JARID2: variants seen among roughly 807,000 people sequenced by gnomAD.
JARID2 encodes the protein protein Jumonji.
JARID2 carries 21 observed loss-of-function variants against 125.6 expected under a neutral mutation model. The ratio of observed to expected loss-of-function variants is 0.17; its 90% CI spans 0.12 to 0.24. JARID2 has a LOEUF of 0.24. Ranked by LOEUF, JARID2 falls within the 10% of genes least tolerant of loss-of-function variation. JARID2 has a pLI of 1.00. For synonymous variants in JARID2, 736 were observed against 661.6 expected (o/e 1.11, Z -1.73); for missense variants, 1,303 against 1,639.6 (o/e 0.79, Z 3.55).
At chr6:15,460,259 T>C (rs1356225191) in intron 4 of JARID2, among the ~76,000 whole-genome samples, 1 of 152,190 alleles carries the variant, frequency 6.6e-6, no homozygotes, top group Non-Finnish European at 1.5e-5. Context: ...TCAGATGTTA[T>C]TAATAAGACT....
intron 1 of JARID2, among the ~76,000 whole-genome samples, chr6:15,295,694 C>T (rs911873282): frequency 2.0e-5 from 3 of 152,024 alleles, no homozygotes; most frequent in Non-Finnish European, 4.4e-5. Context: ...GACGGAGTCT[C>T]GCTCTGTCAC....
intron 2 of JARID2, among the ~76,000 whole-genome samples, chr6:15,390,605 G>T (rs113107614): frequency 2.0e-5 from 3 of 152,180 alleles, no homozygotes; most frequent in African/African-American, 4.8e-5. Context: ...GTCCTTTTGT[G>T]GGGGTAGGCA....
At chr6:15,437,934 G>A (rs1767281114) in intron 3 of JARID2, among the ~76,000 whole-genome samples, 1 of 152,158 alleles carries the variant, frequency 6.6e-6, no homozygotes, top group Non-Finnish European at 1.5e-5. Context: ...TTTTTGGAAA[G>A]GTAAGTGGGC....
In JARID2 at chr6:15,495,134, T is replaced by C. The variant is rs1035566140; in HGVS notation, c.907-998T>C. 3.9e-5 allele frequency among the ~76,000 whole-genome samples: 6 copies of C among 152,326 alleles called. No individual in the cohort carries two copies. In the Middle Eastern group the frequency reaches 0.014, roughly 345 times the overall value. On this transcript the variant is annotated intron_variant, in intron 6 of 17. Coordinates refer to ENST00000341776, the MANE Select transcript of JARID2 (RefSeq NM_004973.4). ...ATTGTGACGCAGAGAAGACATCTTC[T>C]CGAAACCAGCATGTCTGGCAGCAGC...
intron 1 of JARID2, among the ~76,000 whole-genome samples, chr6:15,358,956 T>C (rs1168395918): frequency 1.3e-5 from 2 of 152,214 alleles, no homozygotes; most frequent in African/African-American, 4.8e-5. Context: ...GAGGAAGTCA[T>C]TAAGTGGTTT....
chr6:15,246,330 G>C lies in JARID2; in HGVS notation c.-210G>C. 3.6e-6 allele frequency: 2 copies of C among 552,566 alleles called. No individual in the cohort carries two copies. The highest frequency in any genetic ancestry group is 4.8e-5 in the South Asian group (2 of 41,942). The allele number at this position is 552,566 out of a possible 1,614,324, so 34.2% of individuals were successfully genotyped here. ...AAGTGAATTTTTTTTTGTTTGCTTC[G>C]TTCGTCTTTGGCTCTTTTTTTTTCC... On this transcript the variant is annotated 5_prime_UTR_variant, in exon 1 of 18. Transcript: ENST00000341776.
chr6:15,497,712 C>T (rs1249115189), intron 7 of JARID2, among the ~76,000 whole-genome samples: 2 of 152,054 alleles, frequency 1.3e-5, no homozygotes, highest in Admixed American at 6.5e-5. Flanking sequence ...GGTCTGGGCC[C>T]CTTGCTTCCC....
chr6:15,415,270 C>G (rs905523831), intron 3 of JARID2, among the ~76,000 whole-genome samples: 11 of 152,254 alleles, frequency 7.2e-5, no homozygotes, highest in South Asian at 2.1e-4. Context: ...CACCTTTCCC[C>G]CCTTTCTATT....
At chr6:15,311,397 G>C (rs1041499072) in intron 1 of JARID2, among the ~76,000 whole-genome samples, 4 of 152,158 alleles carry the variant, frequency 2.6e-5, no homozygotes, top group Non-Finnish European at 5.9e-5. Context: ...GACCAACATG[G>C]AGAAACCCCA....
At chr6:15,489,776 A>G (rs1296811093) in intron 6 of JARID2, among the ~76,000 whole-genome samples, 2 of 152,188 alleles carry the variant, frequency 1.3e-5, no homozygotes. Context: ...TCCGGGGCTC[A>G]GGGTAGAGTC....
chr6:15,464,088 T>G (rs559567303), intron 4 of JARID2, among the ~76,000 whole-genome samples: 1 of 152,220 alleles, frequency 6.6e-6, no homozygotes. Flanking sequence ...TTTCTAGATA[T>G]TAGTCCTTTT....
chr6:15,445,342 A>G (rs1325807170), intron 3 of JARID2, among the ~76,000 whole-genome samples: 2 of 152,240 alleles, frequency 1.3e-5, no homozygotes, highest in African/African-American at 2.4e-5. Context: ...AACTTTCCAA[A>G]TAATGTTAGT....
chr6:15,306,138 G>A (rs1218739270), intron 1 of JARID2, among the ~76,000 whole-genome samples: 2 of 151,978 alleles, frequency 1.3e-5, no homozygotes, highest in Non-Finnish European at 2.9e-5. Context: ...TCAGCTTTTC[G>A]TACTTTGAGA....
chr6:15,421,350 C>G (rs542037904), intron 3 of JARID2, among the ~76,000 whole-genome samples: 2 of 150,306 alleles, frequency 1.3e-5, no homozygotes, highest in Admixed American at 6.6e-5. Flanking sequence ...GAGAGAGACA[C>G]GTACCATCAG....
chr6:15,310,808 C>T (rs111961064), intron 1 of JARID2, among the ~76,000 whole-genome samples: 5 of 152,314 alleles, frequency 3.3e-5, no homozygotes, highest in African/African-American at 4.8e-5. Context: ...GGATGTGACT[C>T]CTGCCAGGAT....
chr6:15,335,393 C>T (rs1401908657), intron 1 of JARID2, among the ~76,000 whole-genome samples: 2 of 152,062 alleles, frequency 1.3e-5, no homozygotes, highest in African/African-American at 4.8e-5. Flanking sequence ...AGCCACTGCT[C>T]CTGGCCCACA....
intron 2 of JARID2, among the ~76,000 whole-genome samples, chr6:15,379,594 A>G (rs938320815): frequency 6.6e-6 from 1 of 152,102 alleles, no homozygotes; most frequent in Non-Finnish European, 1.5e-5. Context: ...CCAGCAAAAC[A>G]CTCTTGATGA....
intron 6 of JARID2, among the ~76,000 whole-genome samples, chr6:15,493,943 C>T (rs1012987654): frequency 2.6e-5 from 4 of 152,112 alleles, no homozygotes; most frequent in South Asian, 2.1e-4. Flanking sequence ...AAAAGGGTTT[C>T]GCATTATTTA....
chr6:15,444,735 ATTTTT>A (rs5874512), intron 3 of JARID2, among the ~76,000 whole-genome samples: 3 of 91,920 alleles, frequency 3.3e-5, no homozygotes, highest in Non-Finnish European at 6.2e-5. Context: ...GAACTGTCTG[ATTTTT>A]TTTTTTTTTT....
Sources: allele counts gnomAD v4.1 joint callset (sites outside exome capture counted in the v4.1 genomes callset), GRCh38; gene constraint gnomAD v4.1.1; transcripts MANE v1.5; gene names NCBI Gene and HGNC (gene_info 2026-07-23, HGNC 2026-07-21).